The following SLC27A2 variants were observed in gnomAD, a reference collection of about 807,000 sequenced individuals.
SLC27A2 encodes the protein solute carrier family 27 member 2.
In SLC27A2, 54 loss-of-function variants were observed where a neutral mutation model predicts 60.0. The observed-to-expected ratio is 0.90, with a 90% CI of 0.72 to 1.13. The LOEUF is 1.13. SLC27A2 is among the 50% of genes most tolerant of loss of function. The pLI, the probability that SLC27A2 is intolerant of heterozygous loss-of-function variation, is 0.00. For synonymous variants in SLC27A2, 297 were observed against 297.6 expected (o/e 1.00, Z 0.02); for missense variants, 739 against 777.6 (o/e 0.95, Z 0.59).
intron 5 of SLC27A2, among the ~76,000 whole-genome samples, chr15:50,224,426 C>A (rs1168410707): frequency 6.6e-6 from 1 of 151,956 alleles, no homozygotes; most frequent in South Asian, 2.1e-4. Flanking sequence ...GGCAACAGAG[C>A]GAAACTCCAT....
intron 4 of SLC27A2, among the ~76,000 whole-genome samples, chr15:50,214,951 G>T (rs1489332909): frequency 1.3e-5 from 2 of 152,138 alleles, no homozygotes; most frequent in African/African-American, 4.8e-5. Context: ...CATAGTACTG[G>T]AAGTCCTAGC....
chr15:50,212,307 C>A (rs2045164222), intron 4 of SLC27A2, among the ~76,000 whole-genome samples: 2 of 151,910 alleles, frequency 1.3e-5, no homozygotes, highest in East Asian at 3.9e-4. Context: ...ATTAAAAGAC[C>A]AAACCTAAGA....
chr15:50,199,477 T>TAAAAA (rs60025067), intron 2 of SLC27A2, among the ~76,000 whole-genome samples: 1 of 128,292 alleles, frequency 7.8e-6, no homozygotes, highest in Non-Finnish European at 1.6e-5. Flanking sequence ...GACTCTGTCT[T>TAAAAA]AAAAAAAAAA....
chr15:50,207,186 T>C (rs1218791077), intron 4 of SLC27A2, among the ~76,000 whole-genome samples: 2 of 152,166 alleles, frequency 1.3e-5, no homozygotes, highest in African/African-American at 4.8e-5. Flanking sequence ...AAAATAAATA[T>C]GTTTGTGTGT....
In SLC27A2 at chr15:50,182,398, C is replaced by T; in HGVS notation, c.-30C>T. On this transcript the variant is annotated 5_prime_UTR_variant, in exon 1 of 10. Coordinates refer to ENST00000267842, the MANE Select transcript of SLC27A2 (RefSeq NM_003645.4). ...GCACGCCCGGGGTGAACCCTCTGCCCTCGCTGGGACAGAGGGCCCCGCAGC... is the reference window on the plus strand; with the variant it reads ...GCACGCCCGGGGTGAACCCTCTGCCTTCGCTGGGACAGAGGGCCCCGCAGC... The T allele has an allele frequency of 6.4e-7, 1 of 1,554,362 alleles. No individual in the cohort carries two copies. Among genetic ancestry groups the T allele is most frequent in the East Asian group, 2.3e-5 (1 of 43,266 alleles).
chr15:50,209,181 A>G (rs1376482584), intron 4 of SLC27A2, among the ~76,000 whole-genome samples: 1 of 152,206 alleles, frequency 6.6e-6, no homozygotes, highest in Non-Finnish European at 1.5e-5. Context: ...AATAGATTCA[A>G]CTTACCTCTA....
At chr15:50,193,979 C>T (rs917028273) in intron 1 of SLC27A2, among the ~76,000 whole-genome samples, 3 of 151,976 alleles carry the variant, frequency 2.0e-5, no homozygotes, top group Admixed American at 6.6e-5. Flanking sequence ...GGCAACGTAG[C>T]GGGACATCAT....
At chr15:50,197,892 G>A (rs2045036791) in intron 2 of SLC27A2, among the ~76,000 whole-genome samples, 183 bp downstream of exon 2, 1 of 152,200 alleles carries the variant, frequency 6.6e-6, no homozygotes, top group Non-Finnish European at 1.5e-5. Flanking sequence ...GTTTCTCCAA[G>A]CTATGCATAT....
At chr15:50,199,030 C>CT (rs5812506) in intron 2 of SLC27A2, among the ~76,000 whole-genome samples, 115,277 of 148,636 alleles carry the variant, frequency 0.78, 45,175 homozygotes, top group East Asian at 0.95. Context: ...TAATGTCTAT[C>CT]TTTTTTTTTT....
Position 50,225,969 on chromosome 15 carries a change from A to G in SLC27A2, c.1168-19A>G, listed in dbSNP as rs1344626612. ...AAATTATAAAAGATTTATACTCAAAATTATTTTAATCTTGCTAGAAAATCA... is the reference window on the plus strand; with the variant it reads ...AAATTATAAAAGATTTATACTCAAAGTTATTTTAATCTTGCTAGAAAATCA... On this transcript the variant is annotated intron_variant, in intron 5 of 9. Transcript: ENST00000267842. 1.4e-6 allele frequency: 2 copies of G among 1,461,764 alleles called. No individual in the cohort carries two copies. Among genetic ancestry groups the G allele is most frequent in the African/African-American group, 2.8e-5 (2 of 71,582 alleles). The allele number at this position is 1,461,764 out of a possible 1,614,324, so 90.5% of individuals were successfully genotyped here.
rs58819609 is a variant in SLC27A2, at chr15:50,196,077, AATATATATATATATATATATATATAT to A, written c.479-1400_479-1375del. On this transcript the variant is annotated intron_variant, in intron 1 of 9. Coordinates refer to ENST00000267842, the MANE Select transcript of SLC27A2 (RefSeq NM_003645.4). ...TCAAAAAAAAAAAAAAAAAAAAAAAAATATATATATATATATATATATATATATATATATATATATATATATATGTA... is the reference window on the plus strand; with the variant it reads ...TCAAAAAAAAAAAAAAAAAAAAAAAAATATATATATATATATATATATGTA... Among the ~76,000 whole-genome samples, 94 of 15,440 alleles carry A rather than the reference AATATATATATATATATATATATATAT, an allele frequency of 6.1e-3. 12 individuals carry two copies. Among genetic ancestry groups the A allele is most frequent in the African/African-American group, 0.022 (87 of 3,906 alleles). The allele number at this position is 15,440 out of a possible 152,430, so 10.1% of individuals were successfully genotyped here. A position where few individuals can be genotyped will look rare whatever the true frequency, so the allele number is the denominator to read the frequency against.
chr15:50,222,459 C>T (rs2045250126), intron 4 of SLC27A2, among the ~76,000 whole-genome samples: 1 of 152,132 alleles, frequency 6.6e-6, no homozygotes, highest in Admixed American at 6.5e-5. Context: ...TTCCTGTTTT[C>T]TTCTTTATTG....
At chr15:50,209,623 G>T (rs1187029145) in intron 4 of SLC27A2, among the ~76,000 whole-genome samples, 1 of 152,114 alleles carries the variant, frequency 6.6e-6, no homozygotes, top group African/African-American at 2.4e-5. Context: ...TGACTAAAGG[G>T]CCTTACATGG....
At chr15:50,206,870 G>A (rs943558538) in intron 4 of SLC27A2, among the ~76,000 whole-genome samples, 19 of 152,174 alleles carry the variant, frequency 1.2e-4, no homozygotes, top group African/African-American at 4.3e-4. Context: ...TTTGGGCTTA[G>A]CACATATTAT....
chr15:50,202,359 TGGTCATGGC>T, intron 2 of SLC27A2, 119 bp from the exon 3 acceptor site: 1 of 871,574 alleles, frequency 1.1e-6, no homozygotes, highest in Non-Finnish European at 1.8e-6. Flanking sequence ...CTGGACTAAC[TGGTCATGGC>T]CCTTCCCAGT....
At chr15:50,186,575 C>T (rs1388672779) in intron 1 of SLC27A2, among the ~76,000 whole-genome samples, 2 of 152,192 alleles carry the variant, frequency 1.3e-5, no homozygotes, top group East Asian at 3.9e-4. Flanking sequence ...GTAGCTGGGA[C>T]TACAGATGCC....
Position 50,203,188 on chromosome 15 carries a change from T to TAA in SLC27A2, c.847+553_847+554dup, listed in dbSNP as rs550324667. On this transcript the variant is annotated intron_variant, in intron 3 of 9. Transcript: ENST00000267842. ...GGGTGACAGAGTGAGACCTTGACTG[T>TAA]AAAAAAAAAAATTTTAGGTTATGAC... Among the ~76,000 whole-genome samples the TAA allele has an allele frequency of 4.0e-3, 598 of 148,072 alleles. 2 individuals carry two copies. The highest frequency in any genetic ancestry group is 0.014 in the African/African-American group (570 of 40,586).
At chr15:50,216,655 T>TAG (rs2140908631) in intron 4 of SLC27A2, among the ~76,000 whole-genome samples, 1 of 116,732 alleles carries the variant, frequency 8.6e-6, no homozygotes, top group South Asian at 2.8e-4. Flanking sequence ...TATATATATA[T>TAG]AGTATAGTTT....
intron 1 of SLC27A2, among the ~76,000 whole-genome samples, chr15:50,193,063 A>G (rs1402349694): frequency 6.6e-6 from 1 of 152,050 alleles, no homozygotes; most frequent in East Asian, 1.9e-4. Context: ...CATTCCAGTC[A>G]GCTTTAACCT....
Sources: gnomAD v4.1 joint callset for allele counts (sites outside exome capture counted in the v4.1 genomes callset) on GRCh38, gnomAD v4.1.1 for gene constraint, MANE v1.5 for transcripts, NCBI Gene and HGNC (gene_info 2026-07-23, HGNC 2026-07-21) for gene names.